The following C4orf51 variants were observed in gnomAD, a reference collection of about 807,000 sequenced individuals.
The protein encoded by C4orf51 is uncharacterized protein C4orf51.
C4orf51 carries 25 observed loss-of-function variants against 25.2 expected under a neutral mutation model. That is an observed-to-expected ratio of 0.99 (90% CI 0.72 to 1.39). The LOEUF is 1.39. Among genes scored for constraint, C4orf51 ranks in the 40% most tolerant of loss-of-function variants. C4orf51 has a pLI of 0.00. For missense variants in C4orf51, 252 were observed against 239.6 expected (o/e 1.05, Z -0.34); for synonymous variants, 100 against 84.5 (o/e 1.18, Z -1.01).
the C4orf51 span, among the ~76,000 whole-genome samples, chr4:145,781,429 G>A: frequency 5.6e-4 from 86 of 152,246 alleles, 1 homozygote; most frequent in East Asian, 0.012. Context: ...GTCTGGAAAT[G>A]GGAGGAGGGG....
chr4:145,775,247 A>G (rs577588582), downstream of C4orf51, among the ~76,000 whole-genome samples: 1 of 152,198 alleles, frequency 6.6e-6, no homozygotes, highest in Non-Finnish European at 1.5e-5. Context: ...GCAACTCTCT[A>G]GGACAAGATT....
chr4:145,775,741 G>A (rs923187779), downstream of C4orf51: 4 of 1,608,192 alleles, frequency 2.5e-6, no homozygotes, highest in African/African-American at 4.0e-5. Context: ...AAGTGTTGAA[G>A]TCAAGAGTCT....
At chr4:145,750,235 G>A (rs927974565) in intron 1 of C4orf51, among the ~76,000 whole-genome samples, 1 of 151,862 alleles carries the variant, frequency 6.6e-6, no homozygotes, top group Non-Finnish European at 1.5e-5. Context: ...ACCTTCAGAT[G>A]ATTTTTTTTA....
chr4:145,735,248 C>T (rs1732743388), downstream of C4orf51, among the ~76,000 whole-genome samples: 1 of 152,152 alleles, frequency 6.6e-6, no homozygotes, highest in Admixed American at 6.5e-5. Context: ...AAAAGATTGT[C>T]AGATGCCAGT....
chr4:145,779,358 G>C, the C4orf51 span: 1 of 1,613,064 alleles, frequency 6.2e-7, no homozygotes, highest in Non-Finnish European at 8.5e-7. Context: ...TGACAGCCCA[G>C]GCCCTACTCA....
chr4:145,729,230 G>A lies in C4orf51; in HGVS notation c.427+1G>A. ...ACACCTCCAAATTATGGAAAATACT[G>A]TAAGTCCCATCCTGAACTACTACTT... is the stretch of plus-strand genomic sequence containing the variant. On this transcript the variant is annotated splice_donor_variant, in intron 4 of 5. Coordinates refer to ENST00000438731, the MANE Select transcript of C4orf51 (RefSeq NM_001080531.3). LOFTEE classifies it high-confidence loss of function. 2 of 1,584,626 alleles carry A rather than the reference G, an allele frequency of 1.3e-6. No homozygotes were observed. The highest frequency in any genetic ancestry group is 2.3e-5 in the East Asian group (1 of 43,644).
At chr4:145,710,201 A>G (rs1429206522) in intron 2 of C4orf51, among the ~76,000 whole-genome samples, 1 of 152,220 alleles carries the variant, frequency 6.6e-6, no homozygotes, top group African/African-American at 2.4e-5. Context: ...TCTCAAAAGA[A>G]AGAATTCAAC....
chr4:145,730,020 C>T (rs1200697295), intron 5 of C4orf51, 55 bp downstream of exon 5: 15 of 1,504,136 alleles, frequency 1.0e-5, no homozygotes, highest in East Asian at 2.3e-5. Context: ...AGTCAGGAAG[C>T]GGGGTTCTGA....
chr4:145,729,297 A>T (rs376046144), intron 4 of C4orf51, 68 bp downstream of exon 4: 768 of 292,518 alleles, frequency 2.6e-3, no homozygotes, highest in Non-Finnish European at 3.2e-3. Context: ...TGGTCATGTG[A>T]TTTTTTTTTT....
chr4:145,785,793 TACAA>T, the C4orf51 span, among the ~76,000 whole-genome samples: 13 of 152,232 alleles, frequency 8.5e-5, no homozygotes, highest in African/African-American at 9.6e-5. Context: ...TGCCAAAGTC[TACAA>T]ACAAACAAAG....
chr4:145,787,540 T>A, the C4orf51 span, among the ~76,000 whole-genome samples: 1 of 152,082 alleles, frequency 6.6e-6, no homozygotes, highest in African/African-American at 2.4e-5. Flanking sequence ...AGATTCTTTT[T>A]AGATGTAAGA....
intron 2 of C4orf51, among the ~76,000 whole-genome samples, chr4:145,723,121 A>G (rs1731836029): frequency 6.6e-6 from 1 of 151,976 alleles, no homozygotes; most frequent in Non-Finnish European, 1.5e-5. Flanking sequence ...CTGCCCACCC[A>G]CCTTCCATGT....
At position 145,732,658 on chromosome 4, in the gene C4orf51, GC is replaced by G; in HGVS notation, c.*101del. The G allele has an allele frequency of 1.7e-6, 1 of 593,900 alleles. No individual in the cohort carries two copies. Among genetic ancestry groups the G allele is most frequent in the Non-Finnish European group, 2.7e-6 (1 of 373,538 alleles). The allele number at this position is 593,900 out of a possible 1,614,324, so 36.8% of individuals were successfully genotyped here. On this transcript the variant is annotated 3_prime_UTR_variant, in exon 6 of 6. Transcript: ENST00000438731. ...CCAACACCCTCCCCCCACCCGCCCC[GC>G]CCAGGAACGTCTGGACCCTGGCAGG...
At chr4:145,790,610 T>TA in the C4orf51 span, among the ~76,000 whole-genome samples, 1 of 152,212 alleles carries the variant, frequency 6.6e-6, no homozygotes, top group Admixed American at 6.5e-5. Flanking sequence ...GCAGTTCTCT[T>TA]CACTAAGATT....
At chr4:145,728,047 TACACAC>T (rs66860071) in intron 3 of C4orf51, among the ~76,000 whole-genome samples, 19 of 133,342 alleles carry the variant, frequency 1.4e-4, no homozygotes, top group African/African-American at 3.7e-4. Flanking sequence ...AATATATATA[TACACAC>T]ACACACACAC....
At position 145,763,309 on chromosome 4, in the gene C4orf51, C is replaced by T. The variant is rs776563149; in HGVS notation, n.167-7679C>T. On this transcript the variant is annotated intron_variant and non_coding_transcript_variant, in intron 1 of 1. Coordinates refer to the C4orf51 transcript ENST00000510096. The surrounding 1 kb of genome is among the most constrained non-coding windows in gnomAD (Gnocchi z 4.6). The stretch of plus-strand genomic sequence containing the variant: ...CTCAGGCAAAGTGCTAAGGGTTTTC[C>T]GTGCTCCCGTTATTTTCTTAAAGAC... Among the ~76,000 whole-genome samples, 87 of 152,206 alleles carry T rather than the reference C, an allele frequency of 5.7e-4. No homozygotes were observed. Among genetic ancestry groups the T allele is most frequent in the Non-Finnish European group, 1.1e-3 (76 of 68,036 alleles).
At chr4:145,685,582 C>G (rs755032470) in intron 1 of C4orf51, among the ~76,000 whole-genome samples, 1 of 152,074 alleles carries the variant, frequency 6.6e-6, no homozygotes, top group African/African-American at 2.4e-5. Context: ...GTAATTAGAT[C>G]GGAACAAAAC....
chr4:145,748,016 G>T (rs1047179796), intron 1 of C4orf51, among the ~76,000 whole-genome samples: 2 of 151,848 alleles, frequency 1.3e-5, no homozygotes, highest in African/African-American at 2.4e-5. Context: ...TTTTTGCTGT[G>T]GGACTTTTTA....
rs1006112784 is a variant in C4orf51 at position 145,761,131 on chromosome 4, G to A, written n.167-9857G>A. On this transcript the variant is annotated intron_variant and non_coding_transcript_variant, in intron 1 of 1. Transcript: ENST00000510096. This position sits in a 1 kb window ranked among gnomAD's most constrained non-coding sequence, Gnocchi z 6.8. ...CCCGACCACCAGGAGCGGGGCCCCCGGGCCGGCCGGTTCCTTGGGGGCTGG... is the reference window on the plus strand; with the variant it reads ...CCCGACCACCAGGAGCGGGGCCCCCAGGCCGGCCGGTTCCTTGGGGGCTGG... 7 of 1,289,526 alleles carry A rather than the reference G, an allele frequency of 5.4e-6. No homozygotes were observed. The highest frequency in any genetic ancestry group is 7.1e-6 in the Non-Finnish European group (7 of 988,734). 79.9% of individuals were successfully genotyped at this position (1,289,526 alleles called of 1,614,324 possible). A position where few individuals can be genotyped will look rare whatever the true frequency, so the allele number is the denominator to read the frequency against.
Sources: allele counts gnomAD v4.1 joint callset (sites outside exome capture counted in the v4.1 genomes callset), GRCh38; gene constraint gnomAD v4.1.1; non-coding constraint Gnocchi (gnomAD v3.1); transcripts MANE v1.5; gene names NCBI Gene and HGNC (gene_info 2026-07-23, HGNC 2026-07-21).